Variants in TUSC3 observed in about 807,000 individuals in gnomAD.
TUSC3 encodes the protein dolichyl-diphosphooligosaccharide--protein glycosyltransferase subunit TUSC3.
In TUSC3, 45 loss-of-function variants were observed where a neutral mutation model predicts 44.8. The observed-to-expected ratio is 1.00, with a 90% CI of 0.79 to 1.29. The LOEUF is 1.29. Among genes scored for constraint, TUSC3 ranks in the 50% most tolerant of loss-of-function variants. TUSC3 has a pLI of 0.00. For synonymous variants in TUSC3, 212 were observed against 152.9 expected, an observed-to-expected ratio of 1.39 and a Z score of -2.85; for missense variants, 519 against 437.9, an observed-to-expected ratio of 1.19 and a Z score of -1.65.
intron 6 of TUSC3, among the ~76,000 whole-genome samples, chr8:15,730,198 G>A (rs1810661670): frequency 6.6e-6 from 1 of 151,898 alleles, no homozygotes; most frequent in African/African-American, 2.4e-5. Context: ...ATTTTGTTTT[G>A]AAAAAATTTA....
In TUSC3 at chr8:15,426,104, CAGAG is replaced by C. The variant is rs1276559035; in HGVS notation, n.91+8802_91+8805del. ...AACAGCTGTATTTAGGTGTAATTGA[CAGAG>C]AGCTGCATATATTTAAAGTGTACAT... On this transcript the variant is annotated intron_variant and non_coding_transcript_variant, in intron 1 of 5. Transcript: ENST00000503191. 5.9e-5 allele frequency among the ~76,000 whole-genome samples: 9 copies of C among 152,288 alleles called. No individual in the cohort carries two copies. In the East Asian group the frequency reaches 1.5e-3, roughly 26 times the overall value.
At chr8:15,707,686 A>C (rs1809674074) in intron 6 of TUSC3, among the ~76,000 whole-genome samples, 1 of 151,920 alleles carries the variant, frequency 6.6e-6, no homozygotes, top group South Asian at 2.1e-4. Context: ...GAAATGGAAA[A>C]GCTCAGATGT....
intron 1 of TUSC3, among the ~76,000 whole-genome samples, chr8:15,452,124 A>G (rs1800202748): frequency 6.6e-6 from 1 of 152,212 alleles, no homozygotes; most frequent in Non-Finnish European, 1.5e-5. Flanking sequence ...AGTGTTTTAC[A>G]TGACGTTAAC....
intron 2 of TUSC3, among the ~76,000 whole-genome samples, chr8:15,523,885 G>A (rs1485430080): frequency 9.9e-5 from 15 of 150,986 alleles, no homozygotes; most frequent in African/African-American, 3.2e-4. Flanking sequence ...GTGAAACCCC[G>A]TGTCTACTAG....
At chr8:15,841,147 G>T in the TUSC3 span, among the ~76,000 whole-genome samples, 1 of 151,710 alleles carries the variant, frequency 6.6e-6, no homozygotes. Context: ...ATGTTCTTTG[G>T]TTGCAAACAG....
chr8:15,741,967 GTTA>G, intron 7 of TUSC3, among the ~76,000 whole-genome samples: 1 of 152,196 alleles, frequency 6.6e-6, no homozygotes, highest in Middle Eastern at 3.4e-3. Context: ...TTATCATGTT[GTTA>G]TTAACAATGT....
downstream of TUSC3, among the ~76,000 whole-genome samples, chr8:15,769,067 G>T (rs376407404): frequency 2.0e-5 from 3 of 151,952 alleles, no homozygotes; most frequent in Non-Finnish European, 4.4e-5. Context: ...GAATTAGAAA[G>T]AAACTACTTT....
chr8:15,609,371 T>C (rs1202574848), intron 1 of TUSC3, among the ~76,000 whole-genome samples: 1 of 152,208 alleles, frequency 6.6e-6, no homozygotes, highest in Non-Finnish European at 1.5e-5. Flanking sequence ...TCATCTTGTC[T>C]GGATCTGTAT....
At chr8:15,790,825 G>C in the TUSC3 span, among the ~76,000 whole-genome samples, 1 of 152,178 alleles carries the variant, frequency 6.6e-6, no homozygotes. Context: ...TCACAAGTGA[G>C]GAGAGGAGGG....
chr8:15,849,285 T>A, the TUSC3 span, among the ~76,000 whole-genome samples: 1 of 152,206 alleles, frequency 6.6e-6, no homozygotes, highest in African/African-American at 2.4e-5. Flanking sequence ...GTAGTGATAT[T>A]ATATTTATGT....
In TUSC3 at chr8:15,757,693, G is replaced by A; in HGVS notation, c.1029-98G>A. On this transcript the variant is annotated intron_variant, in intron 9 of 10. Coordinates refer to ENST00000503731, the MANE Select transcript of TUSC3 (RefSeq NM_006765.4). ...CCCCTGTCTTATCTAGATAAAGAAT[G>A]TAGTGCTAAATCTTGTAATAATATT... 5 of 1,421,264 alleles carry A rather than the reference G, an allele frequency of 3.5e-6. No individual in the cohort carries two copies. In the South Asian group the frequency reaches 4.6e-5, roughly 13 times the overall value. 88.0% of individuals were successfully genotyped at this position (1,421,264 alleles called of 1,614,324 possible).
intron 1 of TUSC3, among the ~76,000 whole-genome samples, chr8:15,601,001 A>C (rs1361193670): frequency 6.6e-6 from 1 of 151,692 alleles, no homozygotes; most frequent in Non-Finnish European, 1.5e-5. Context: ...GAAGAAATAC[A>C]CAGGTTCACT....
intron 5 of TUSC3, 148 bp downstream of exon 5, chr8:15,662,444 TGA>T (rs1807465545): frequency 8.8e-7 from 1 of 1,132,194 alleles, no homozygotes; most frequent in Admixed American, 2.2e-5. Flanking sequence ...TAATTTAGTT[TGA>T]GTTTTCTGTC....
intron 1 of TUSC3, among the ~76,000 whole-genome samples, chr8:15,480,154 A>G (rs1025624199): frequency 1.4e-4 from 21 of 152,242 alleles, no homozygotes; most frequent in African/African-American, 4.6e-4. Flanking sequence ...AAGGAGAACT[A>G]CACGCCACTG....
the TUSC3 span, among the ~76,000 whole-genome samples, chr8:15,799,731 C>A: frequency 6.6e-6 from 1 of 152,198 alleles, no homozygotes; most frequent in Non-Finnish European, 1.5e-5. Flanking sequence ...GCATCCCACA[C>A]TTAATGCCAG....
intron 1 of TUSC3, among the ~76,000 whole-genome samples, chr8:15,608,905 G>A (rs533653030): frequency 6.6e-6 from 1 of 152,188 alleles, no homozygotes; most frequent in African/African-American, 2.4e-5. Flanking sequence ...ATAACCAAAA[G>A]AAATCTTTGA....
intron 2 of TUSC3, among the ~76,000 whole-genome samples, chr8:15,641,922 G>C (rs1806390574): frequency 1.3e-5 from 2 of 152,196 alleles, no homozygotes; most frequent in Non-Finnish European, 2.9e-5. Context: ...GGAAGTGATG[G>C]AAATGTTTAT....
the TUSC3 span, among the ~76,000 whole-genome samples, chr8:15,834,059 G>T: frequency 6.6e-6 from 1 of 151,926 alleles, no homozygotes; most frequent in East Asian, 1.9e-4. Context: ...CAATGAATTA[G>T]CTTTTATGGT....
At chr8:15,795,959 A>C in the TUSC3 span, among the ~76,000 whole-genome samples, 7,030 of 152,226 alleles carry the variant, frequency 0.046, 508 homozygotes, top group African/African-American at 0.16. Flanking sequence ...AATTAAATCA[A>C]GAGTGGTGAA....
Sources: gnomAD v4.1 joint callset for allele counts (sites outside exome capture counted in the v4.1 genomes callset) on GRCh38, gnomAD v4.1.1 for gene constraint, MANE v1.5 for transcripts, NCBI Gene and HGNC (gene_info 2026-07-23, HGNC 2026-07-21) for gene names.